Variants in ADCY1 observed in about 807,000 individuals in gnomAD.
The protein encoded by ADCY1 is adenylate cyclase 1.
A neutral mutation model predicts 105.4 loss-of-function variants in ADCY1; 28 were observed. The observed-to-expected ratio is 0.27, with a 90% CI of 0.20 to 0.36. ADCY1 has a LOEUF of 0.36. Among genes scored for constraint, ADCY1 ranks in the 10% least tolerant of loss-of-function variants. The pLI is 1.00. For missense variants in ADCY1, 977 were observed against 1,434.2 expected (o/e 0.68, Z 5.15); for synonymous variants, 655 against 623.8 (o/e 1.05, Z -0.75).
Position 45,663,602 on chromosome 7 carries a change from C to T in ADCY1, c.1605+1388C>T, listed in dbSNP as rs112392546. Among the ~76,000 whole-genome samples the T allele has an allele frequency of 1.6e-3, 238 of 152,254 alleles. 1 individual carries two copies. Among genetic ancestry groups the T allele is most frequent in the African/African-American group, 5.5e-3 (227 of 41,548 alleles). ...TTGGGAGGCCAAGGCAGGCGGATCA[C>T]GAGGTCAGGAGTTCAAGACCAGCCT... is the stretch of plus-strand genomic sequence containing the variant. On this transcript the variant is annotated intron_variant, in intron 8 of 19. Transcript: ENST00000297323.
intron 14 of ADCY1, among the ~76,000 whole-genome samples, chr7:45,695,959 C>G (rs1435992451): frequency 6.6e-6 from 1 of 152,218 alleles, no homozygotes; most frequent in Non-Finnish European, 1.5e-5. Flanking sequence ...CACCTCAATT[C>G]CTCCCTGGTT....
intron 14 of ADCY1, among the ~76,000 whole-genome samples, chr7:45,691,763 A>G (rs1007519389): frequency 2.6e-5 from 4 of 152,238 alleles, no homozygotes; most frequent in African/African-American, 7.2e-5. Context: ...TGCCATTATT[A>G]ACATTTAGAG....
At chr7:45,677,111 CTCT>C (rs1784470895) in intron 8 of ADCY1, among the ~76,000 whole-genome samples, 1 of 152,112 alleles carries the variant, frequency 6.6e-6, no homozygotes, top group African/African-American at 2.4e-5. Context: ...TGCGATCACC[CTCT>C]TCTTTCCACC....
At chr7:45,646,662 C>T (rs886231212) in intron 4 of ADCY1, among the ~76,000 whole-genome samples, 2 of 152,208 alleles carry the variant, frequency 1.3e-5, no homozygotes, top group African/African-American at 4.8e-5. Context: ...CTACCCAGCT[C>T]TGAACTCATG....
rs745763285 is a variant in ADCY1 at position 45,678,155 on chromosome 7, C to G, written c.1801-11C>G. ...CCTCAGCCCTGATGGATTGACTTCT[C>G]TCTTACACAGTACCACCAGCTTCAG... On this transcript the variant is annotated splice_polypyrimidine_tract_variant and intron_variant, in intron 9 of 19. Transcript: ENST00000297323. 5.0e-6 allele frequency: 8 copies of G among 1,614,020 alleles called. No homozygotes were observed. Among genetic ancestry groups the G allele is most frequent in the Admixed American group, 3.3e-5 (2 of 60,008 alleles).
chr7:45,610,799 G>GGC (rs1562687153), intron 3 of ADCY1, among the ~76,000 whole-genome samples: 1 of 19,220 alleles, frequency 5.2e-5, no homozygotes, highest in Non-Finnish European at 1.1e-4. Context: ...GGTGGAGGTG[G>GGC]GGAGGTGATG....
chr7:45,648,806 C>T lies in ADCY1; in HGVS notation c.1148+9C>T, dbSNP rs374138021. The T allele has an allele frequency of 3.7e-6, 6 of 1,613,210 alleles. No homozygotes were observed. In the African/African-American group the frequency reaches 6.7e-5, roughly 18 times the overall value. On this transcript the variant is annotated intron_variant, in intron 5 of 19. Coordinates refer to ENST00000297323, the MANE Select transcript of ADCY1 (RefSeq NM_021116.4). The stretch of plus-strand genomic sequence containing the variant: ...ATGATTGATACCATCACGTAAGTAC[C>T]CCGTGGGGCTGAGAGGAGTGGCCTG...
chr7:45,587,852 G>T (rs781289937), intron 1 of ADCY1, among the ~76,000 whole-genome samples: 1 of 152,152 alleles, frequency 6.6e-6, no homozygotes, highest in Non-Finnish European at 1.5e-5. Context: ...ACTCATCATG[G>T]CCAGTGCTGG....
chr7:45,645,883 T>C, intron 4 of ADCY1, among the ~76,000 whole-genome samples: 1 of 151,254 alleles, frequency 6.6e-6, no homozygotes, highest in Non-Finnish European at 1.5e-5. Flanking sequence ...TCTTGTGGGC[T>C]CCCAGAGGGG....
Position 45,685,067 on chromosome 7 carries a change from T to C in ADCY1, c.2072T>C (p.Val691Ala). 1.2e-6 allele frequency: 2 copies of C among 1,613,552 alleles called. No individual in the cohort carries two copies. Among genetic ancestry groups the C allele is most frequent in the Non-Finnish European group, 8.5e-7 (1 of 1,179,442 alleles). The change falls in exon 12 of 20, where the codon GTG (valine) becomes GCG (alanine). Residue 691 changes from valine to alanine, a missense_variant and splice_region_variant. Val to Ala is a moderately conservative substitution (Grantham distance 64, BLOSUM62 0). This residue lies in a region of ADCY1 where 275 missense variants were observed against 362.1 expected (regional missense o/e 0.76). Coordinates refer to ENST00000297323, the MANE Select transcript of ADCY1 (RefSeq NM_021116.4). ...VLIYSVAQGCVVGCLPWAWSS... is the reference protein window; with the variant it reads ...VLIYSVAQGCAVGCLPWAWSS... The stretch of plus-strand genomic sequence containing the variant: ...ATCTACTCAGTAGCCCAAGGTTGTG[T>C]GGTGAGCATCTCCAGCTTGTGGCAT...
At chr7:45,700,693 C>T (rs957760916) in intron 14 of ADCY1, among the ~76,000 whole-genome samples, 3 of 152,160 alleles carry the variant, frequency 2.0e-5, no homozygotes, top group African/African-American at 4.8e-5. Flanking sequence ...GGCCAGATGC[C>T]CTGTGTCACT....
chr7:45,691,249 C>T (rs1223768669), intron 14 of ADCY1, among the ~76,000 whole-genome samples: 1 of 152,234 alleles, frequency 6.6e-6, no homozygotes, highest in Non-Finnish European at 1.5e-5. Context: ...GGCCTTGGGG[C>T]AGCCCGGGCA....
chr7:45,699,061 C>T (rs1562729395), intron 14 of ADCY1, among the ~76,000 whole-genome samples: 1 of 152,246 alleles, frequency 6.6e-6, no homozygotes. Context: ...TGGCTGGGAG[C>T]CCTGCATTTG....
intron 14 of ADCY1, among the ~76,000 whole-genome samples, chr7:45,693,392 TA>T (rs1401784923): frequency 8.2e-4 from 117 of 142,896 alleles, no homozygotes; most frequent in African/African-American, 3.0e-3. Context: ...TTGATTGGAA[TA>T]CTTTCAGAAG....
intron 1 of ADCY1, among the ~76,000 whole-genome samples, chr7:45,577,555 T>C (rs1263964993): frequency 6.6e-6 from 1 of 152,228 alleles, no homozygotes; most frequent in Non-Finnish European, 1.5e-5. Context: ...CCATCCACTT[T>C]CTATTCAGAC....
At chr7:45,622,984 G>T (rs551236461) in intron 4 of ADCY1, among the ~76,000 whole-genome samples, 2 of 152,314 alleles carry the variant, frequency 1.3e-5, no homozygotes, top group East Asian at 3.9e-4. Flanking sequence ...GCATGCTGTC[G>T]AATCGGGGCT....
intron 1 of ADCY1, among the ~76,000 whole-genome samples, chr7:45,578,221 G>A (rs1038325569): frequency 1.3e-5 from 2 of 152,150 alleles, no homozygotes; most frequent in Admixed American, 6.5e-5. Context: ...CTCCTCCCCC[G>A]GAGAAGTGCT....
rs903347103 is a variant in ADCY1 at position 45,660,915 on chromosome 7, C to T, written c.1449+732C>T. Among the ~76,000 whole-genome samples, 42 of 145,994 alleles carry T rather than the reference C, an allele frequency of 2.9e-4. 1 individual carries two copies. The highest frequency in any genetic ancestry group is 1.0e-3 in the African/African-American group (39 of 38,586). On this transcript the variant is annotated intron_variant, in intron 7 of 19. Transcript: ENST00000297323. Reference sequence around the variant, plus strand: ...TCAGGGCTCGTGAGGATGCAGGGCTCAATTGAGGGTGTAGGGCTCAGGTCA... The same window carrying T: ...TCAGGGCTCGTGAGGATGCAGGGCTTAATTGAGGGTGTAGGGCTCAGGTCA...
chr7:45,588,418 A>G lies in ADCY1; in HGVS notation c.640-4341A>G, dbSNP rs886317959. Among the ~76,000 whole-genome samples, 4 of 152,184 alleles carry G rather than the reference A, an allele frequency of 2.6e-5. No homozygotes were observed. The East Asian group carries it at 7.7e-4, about 29-fold the overall frequency. On this transcript the variant is annotated intron_variant, in intron 1 of 19. Transcript: ENST00000297323. ...TTAAAGACCATTACCTGGCCTCCTCATGTCCTCGTTGCTCCTGGGGAGCCA... is the reference window on the plus strand; with the variant it reads ...TTAAAGACCATTACCTGGCCTCCTCGTGTCCTCGTTGCTCCTGGGGAGCCA...
Sources: allele counts gnomAD v4.1 joint callset (sites outside exome capture counted in the v4.1 genomes callset), GRCh38; gene constraint gnomAD v4.1.1; regional missense constraint gnomAD v4.1.1; transcripts MANE v1.5; gene names NCBI Gene and HGNC (gene_info 2026-07-23, HGNC 2026-07-21).